DMD: variants seen among roughly 807,000 people sequenced by gnomAD.
DMD encodes the protein dystrophin.
Under a neutral mutation model 330.1 loss-of-function variants are expected in DMD, and 63 were observed. That is an observed-to-expected ratio of 0.19 (90% CI 0.16 to 0.24). The LOEUF (loss-of-function observed/expected upper bound fraction) is 0.24, where lower values mean the gene tolerates loss of function less well. Among genes scored for constraint, DMD ranks in the 10% least tolerant of loss-of-function variants. The pLI, the probability that DMD is intolerant of heterozygous loss-of-function variation, is 1.00. For synonymous variants in DMD, 1,223 were observed against 959.8 expected, an observed-to-expected ratio of 1.27 and a Z score of -5.07; for missense variants, 3,344 against 2,684.1, an observed-to-expected ratio of 1.25 and a Z score of -5.43.
chrX:31,877,483 C>G (rs1162637219), intron 47 of DMD, among the ~76,000 whole-genome samples: 2 of 112,180 alleles, frequency 1.8e-5, no homozygotes, highest in East Asian at 5.6e-4. Context: ...TTGAAGGTGA[C>G]CTGCACACTT....
intron 1 of DMD, among the ~76,000 whole-genome samples, chrX:33,034,426 G>A (rs745521280): frequency 9.0e-6 from 1 of 111,590 alleles, no homozygotes; most frequent in East Asian, 2.8e-4. Context: ...TATTAACAGT[G>A]TGCCTCTGTT....
chrX:33,011,792 G>A (rs2093706409), intron 2 of DMD, among the ~76,000 whole-genome samples: 1 of 111,803 alleles, frequency 8.9e-6, no homozygotes, highest in African/African-American at 3.2e-5. Context: ...CTTCACTAAT[G>A]TCCATGTATG....
intron 2 of DMD, among the ~76,000 whole-genome samples, chrX:32,984,851 G>A (rs183866658): frequency 1.3e-3 from 144 of 111,421 alleles, no homozygotes; most frequent in Middle Eastern, 4.7e-3. Context: ...ATAGTGTACT[G>A]CTTGTGTAAT....
At chrX:32,543,264 AT>A (rs2148948616) in intron 17 of DMD, among the ~76,000 whole-genome samples, 1 of 111,295 alleles carries the variant, frequency 9.0e-6, no homozygotes, top group East Asian at 2.8e-4. Context: ...ATACAAACAA[AT>A]TTTGGAGAGA....
Position 32,554,957 on chromosome X carries a change from G to A in DMD, c.1993-9623C>T, listed in dbSNP as rs6631604. 6.2e-3 allele frequency among the ~76,000 whole-genome samples: 458 copies of A among 73,798 alleles called. 53 individuals are homozygous for A. Among genetic ancestry groups the A allele is most frequent in the Admixed American group, 0.044 (320 of 7,331 alleles). 64.1% of individuals were successfully genotyped at this position (73,798 alleles called of 115,157 possible). The stretch of plus-strand genomic sequence containing the variant: ...AGAAAGAAAGAGAGAGAGAGGGAGA[G>A]AGAAAGAAAGAGAGAGAGAGAGAGA... On this transcript the variant is annotated intron_variant, in intron 16 of 78. Transcript: ENST00000357033.
intron 72 of DMD, among the ~76,000 whole-genome samples, chrX:31,172,669 C>A (rs767651315): frequency 7.0e-4 from 78 of 111,832 alleles, no homozygotes; most frequent in Non-Finnish European, 1.2e-3. Context: ...ACAGATCAGT[C>A]TTGCTTTCAC....
chrX:32,105,438 G>T (rs2096559872), intron 44 of DMD, among the ~76,000 whole-genome samples: 1 of 111,867 alleles, frequency 8.9e-6, no homozygotes, highest in South Asian at 3.7e-4. Context: ...TACATTAAAT[G>T]ATTTAAATTT....
chrX:31,388,003 GT>G (rs1391433449), intron 60 of DMD, among the ~76,000 whole-genome samples: 44 of 98,324 alleles, frequency 4.5e-4, no homozygotes, highest in Middle Eastern at 5.0e-3. Context: ...TTGTTTTTCG[GT>G]TTTTTTTTTT....
At chrX:32,868,195 T>A (rs931403815) in intron 2 of DMD, among the ~76,000 whole-genome samples, 1 of 111,896 alleles carries the variant, frequency 8.9e-6, no homozygotes, top group African/African-American at 3.2e-5. Context: ...AAATCTTTCT[T>A]TTTCCACAGA....
intron 1 of DMD, among the ~76,000 whole-genome samples, chrX:33,224,780 A>G (rs116021930): frequency 0.033 from 3,692 of 111,226 alleles, 165 homozygotes; most frequent in African/African-American, 0.11. Flanking sequence ...CACTCTGGTG[A>G]GAGTTATTAA....
chrX:32,287,472 G>A, intron 43 of DMD, 57 bp downstream of exon 43: 2 of 1,114,581 alleles, frequency 1.8e-6, no homozygotes, highest in Non-Finnish European at 1.2e-6. Flanking sequence ...AAATTCTACA[G>A]TTCCCTGAAA....
At chrX:32,404,266 T>C (rs1233273524) in intron 30 of DMD, among the ~76,000 whole-genome samples, 1 of 111,777 alleles carries the variant, frequency 8.9e-6, no homozygotes, top group African/African-American at 3.2e-5. Context: ...GTACTCACAT[T>C]GTTAATGGGA....
At chrX:32,240,812 C>T (rs927377533) in intron 43 of DMD, among the ~76,000 whole-genome samples, 5 of 111,618 alleles carry the variant, frequency 4.5e-5, no homozygotes, top group African/African-American at 1.6e-4. Flanking sequence ...CACTCACTCA[C>T]GTCTGCTGGG....
chrX:32,242,783 T>C (rs908768318), intron 43 of DMD, among the ~76,000 whole-genome samples: 6 of 110,436 alleles, frequency 5.4e-5, no homozygotes, highest in Non-Finnish European at 9.5e-5. Context: ...TTAGAACGCA[T>C]TGGCATAGAT....
rs377547943 is a variant in DMD at position 32,871,611 on chromosome X, G to A, written c.94-21791C>T. Among the ~76,000 whole-genome samples the A allele has an allele frequency of 3.6e-5, 4 of 111,352 alleles. No homozygotes were observed. In the East Asian group the frequency reaches 8.5e-4, roughly 24 times the overall value. On this transcript the variant is annotated intron_variant, in intron 2 of 78. Coordinates refer to ENST00000357033, the MANE Select transcript of DMD (RefSeq NM_004006.3). ...GAGCACCAATGACATTATCTATCTC[G>A]TAAATAAGAGCTGGGAAGATTGTGT...
chrX:33,303,443 C>T (rs2053698092), intron 1 of DMD, among the ~76,000 whole-genome samples: 1 of 111,098 alleles, frequency 9.0e-6, no homozygotes, highest in South Asian at 3.9e-4. Flanking sequence ...AGTTTTATGT[C>T]TCCTAGATTA....
At chrX:31,741,343 G>A (rs1183587134) in intron 51 of DMD, among the ~76,000 whole-genome samples, 1 of 111,924 alleles carries the variant, frequency 8.9e-6, no homozygotes, top group African/African-American at 3.2e-5. Flanking sequence ...ACTTTATCCA[G>A]ATCCATCAGT....
At chrX:32,203,031 T>C (rs1422643878) in intron 44 of DMD, among the ~76,000 whole-genome samples, 1 of 111,724 alleles carries the variant, frequency 9.0e-6, no homozygotes, top group African/African-American at 3.3e-5. Flanking sequence ...TACCGTGTAA[T>C]GTCCTTTGCA....
intron 77 of DMD, among the ~76,000 whole-genome samples, chrX:31,128,712 A>G (rs1278478233): frequency 8.9e-6 from 1 of 111,850 alleles, no homozygotes; most frequent in Non-Finnish European, 1.9e-5. Context: ...TTCAGAAACC[A>G]TATTTTATGA....
Sources: gnomAD v4.1 joint callset for allele counts (sites outside exome capture counted in the v4.1 genomes callset) on GRCh38, gnomAD v4.1.1 for gene constraint, MANE v1.5 for transcripts, NCBI Gene and HGNC (gene_info 2026-07-23, HGNC 2026-07-21) for gene names.